The following COL4A2 variants were observed in gnomAD, a reference collection of about 807,000 sequenced individuals.
COL4A2 encodes collagen type IV alpha 2 chain.
COL4A2 carries 99 observed loss-of-function variants against 200.2 expected under a neutral mutation model. The ratio of observed to expected loss-of-function variants is 0.49; its 90% confidence interval spans 0.42 to 0.58. The LOEUF is 0.58. Ranked by LOEUF, COL4A2 falls within the 20% of genes least tolerant of loss-of-function variation. The pLI is 0.00. For missense variants in COL4A2, 1,950 were observed against 2,314.1 expected (o/e 0.84, Z 3.23); for synonymous variants, 897 against 900.6 (o/e 1.00, Z 0.07).
chr13:110,498,137 A>G (rs1024573957), intron 40 of COL4A2, among the ~76,000 whole-genome samples: 16 of 152,248 alleles, frequency 1.1e-4, no homozygotes, highest in African/African-American at 3.6e-4. Context: ...TATTTTCACC[A>G]TGTGACCTTG....
intron 20 of COL4A2, among the ~76,000 whole-genome samples, chr13:110,455,042 C>T (rs1020917807): frequency 2.0e-5 from 3 of 152,094 alleles, no homozygotes; most frequent in Admixed American, 6.5e-5. Context: ...ACAATCCTGG[C>T]GGGTCCTCCA....
intron 45 of COL4A2, 40 bp downstream of exon 45, chr13:110,504,304 C>T: frequency 6.6e-7 from 1 of 1,513,840 alleles, no homozygotes. Context: ...GGTCCTAGTG[C>T]TCTGGATCTG....
intron 4 of COL4A2, among the ~76,000 whole-genome samples, chr13:110,375,245 G>A (rs567453465): frequency 2.6e-5 from 4 of 152,274 alleles, no homozygotes; most frequent in South Asian, 2.1e-4. Flanking sequence ...CTTTGCCGTC[G>A]AATTCTGCCT....
intron 3 of COL4A2, among the ~76,000 whole-genome samples, chr13:110,335,955 A>G (rs546138456): frequency 6.6e-6 from 1 of 152,204 alleles, no homozygotes; most frequent in South Asian, 2.1e-4. Flanking sequence ...CAAAAAGAAG[A>G]CTCTCGTGGG....
intron 4 of COL4A2, among the ~76,000 whole-genome samples, chr13:110,407,419 C>T (rs984651648): frequency 5.3e-5 from 8 of 152,198 alleles, no homozygotes; most frequent in Non-Finnish European, 8.8e-5. Context: ...GGGGCTCCAG[C>T]CACCAGAGTG....
At chr13:110,414,805 CAA>C in intron 4 of COL4A2, among the ~76,000 whole-genome samples, 1 of 152,310 alleles carries the variant, frequency 6.6e-6, no homozygotes, top group Non-Finnish European at 1.5e-5. Context: ...TTAAGCAAGA[CAA>C]AGGTTGTTTT....
chr13:110,438,734 T>C, intron 15 of COL4A2, 66 bp downstream of exon 15: 1 of 1,603,730 alleles, frequency 6.2e-7, no homozygotes, highest in South Asian at 1.1e-5. Context: ...GGCTTTCCTT[T>C]TTAGAGCTGT....
rs926009660 is a variant in COL4A2 at position 110,504,090 on chromosome 13, G to C, written c.4286-58G>C. ...TCCTCTTGTGTTCTCTTTGTGGATC[G>C]CCGGCCGTGCCAGGCGTGGTCAGTT... On this transcript the variant is annotated intron_variant, in intron 44 of 47. Transcript: ENST00000360467. 2.5e-6 allele frequency: 4 copies of C among 1,589,014 alleles called. No individual in the cohort carries two copies. The Admixed American group carries it at 5.0e-5, about 20-fold the overall frequency.
intron 4 of COL4A2, among the ~76,000 whole-genome samples, chr13:110,404,832 A>G (rs796236474): frequency 2.0e-5 from 3 of 152,302 alleles, no homozygotes; most frequent in Non-Finnish European, 4.4e-5. Flanking sequence ...AAACCACACC[A>G]TTTCTAAAAT....
chr13:110,485,295 G>A lies in COL4A2; in HGVS notation c.3025+268G>A, dbSNP rs528765512. Among the ~76,000 whole-genome samples the A allele has an allele frequency of 4.1e-3, 628 of 152,200 alleles. 3 individuals carry two copies. The highest frequency in any genetic ancestry group is 0.014 in the African/African-American group (597 of 41,534). On this transcript the variant is annotated intron_variant, in intron 33 of 47. Coordinates refer to ENST00000360467, the MANE Select transcript of COL4A2 (RefSeq NM_001846.4). The stretch of plus-strand genomic sequence containing the variant: ...TCCCAGCACTTTGGGAGGCCGAGGC[G>A]GGTGGATCACAAGGTGAGGAGATCA...
chr13:110,308,447 C>T lies in COL4A2; in HGVS notation c.99+324C>T, dbSNP rs118164496. ...AGCCGTAGAGGCCAGGAAAGTGTGT[C>T]AGTCACTAGGCAGTGAGACGCCAGG... On this transcript the variant is annotated intron_variant, in intron 3 of 47. Coordinates refer to ENST00000360467, the MANE Select transcript of COL4A2 (RefSeq NM_001846.4). 1.2e-3 allele frequency among the ~76,000 whole-genome samples: 183 copies of T among 152,212 alleles called. 5 individuals are homozygous for T. The East Asian group carries it at 0.026, about 22-fold the overall frequency.
intron 32 of COL4A2, among the ~76,000 whole-genome samples, chr13:110,484,372 C>G (rs1407995713): frequency 6.6e-6 from 1 of 152,126 alleles, no homozygotes; most frequent in Non-Finnish European, 1.5e-5. Context: ...GCATCCCCAG[C>G]CTGAACTAGC....
At chr13:110,450,226 G>A (rs1417975446) in intron 19 of COL4A2, 79 bp from the exon 20 acceptor site, 3 of 1,288,374 alleles carry the variant, frequency 2.3e-6, no homozygotes, top group Non-Finnish European at 3.3e-6. Context: ...TGCCCCAGTG[G>A]GCCCCTCTGG....
Position 110,438,608 on chromosome 13 carries a change from T to C in COL4A2, c.862-10T>C, listed in dbSNP as rs1443751359. The C allele has an allele frequency of 6.2e-7, 1 of 1,614,040 alleles. No individual in the cohort carries two copies. Among genetic ancestry groups the C allele is most frequent in the Non-Finnish European group, 8.5e-7 (1 of 1,180,030 alleles). On this transcript the variant is annotated splice_polypyrimidine_tract_variant and intron_variant, in intron 14 of 47. Coordinates refer to ENST00000360467, the MANE Select transcript of COL4A2 (RefSeq NM_001846.4). ...GGGTTGCTCCTTACGCCCCCTCTGC[T>C]CTCTCCTAGGGCATTTCCTTGAAGG...
At chr13:110,429,160 T>G (rs1880583563) in intron 7 of COL4A2, 1 of 152,238 alleles carries the variant, frequency 6.6e-6, no homozygotes, top group Non-Finnish European at 1.5e-5. Flanking sequence ...ACTTTTTATT[T>G]AAAAACAAAA....
intron 4 of COL4A2, among the ~76,000 whole-genome samples, chr13:110,389,827 C>T (rs939382801): frequency 6.7e-6 from 1 of 150,158 alleles, no homozygotes; most frequent in African/African-American, 2.5e-5. Context: ...AGCAGCCTTT[C>T]GTGTTTATTG....
At chr13:110,313,248 A>T (rs1159799535) in intron 3 of COL4A2, among the ~76,000 whole-genome samples, 2 of 152,078 alleles carry the variant, frequency 1.3e-5, no homozygotes, top group Non-Finnish European at 2.9e-5. Context: ...AGTTAATGAG[A>T]CCCTGTCAGG....
At chr13:110,363,882 G>A (rs1006916320) in intron 4 of COL4A2, among the ~76,000 whole-genome samples, 1 of 152,220 alleles carries the variant, frequency 6.6e-6, no homozygotes, top group South Asian at 2.1e-4. Flanking sequence ...TGTATTTGTA[G>A]TAGAGATGGG....
rs1883963373 is a variant in COL4A2 at position 110,508,400 on chromosome 13, C to A, written c.4881+179C>A. 2.0e-6 allele frequency: 2 copies of A among 976,378 alleles called. No individual in the cohort carries two copies. The highest frequency in any genetic ancestry group is 1.5e-6 in the Non-Finnish European group (1 of 673,786). 60.5% of individuals were successfully genotyped at this position (976,378 alleles called of 1,614,324 possible). On this transcript the variant is annotated intron_variant, in intron 47 of 47. Coordinates refer to ENST00000360467, the MANE Select transcript of COL4A2 (RefSeq NM_001846.4). The surrounding 1 kb of genome is among the most constrained non-coding windows in gnomAD (Gnocchi z 6.1). ...AGCTTACACTTGGCTAACTGAGCCA[C>A]ATGCTGGGCACAGGGCTTCCTCCAC... is the stretch of plus-strand genomic sequence containing the variant.
Sources: allele counts gnomAD v4.1 joint callset (sites outside exome capture counted in the v4.1 genomes callset), GRCh38; gene constraint gnomAD v4.1.1; non-coding constraint Gnocchi (gnomAD v3.1); transcripts MANE v1.5; gene names NCBI Gene and HGNC (gene_info 2026-07-23, HGNC 2026-07-21).